RFFL: variants seen among roughly 807,000 people sequenced by gnomAD.
The protein encoded by RFFL is E3 ubiquitin-protein ligase rififylin.
A neutral mutation model predicts 40.4 loss-of-function variants in RFFL; 16 were observed. The ratio of observed to expected loss-of-function variants is 0.40; its 90% CI spans 0.27 to 0.60. The LOEUF (loss-of-function observed/expected upper bound fraction) is 0.60. RFFL is among the 20% of genes least tolerant of loss of function. The probability of loss-of-function intolerance (pLI) is 0.47; values close to 1 mark genes in which losing one functional copy is unlikely to be tolerated. For synonymous variants in RFFL, 154 were observed against 167.9 expected (o/e 0.92, Z 0.64); for missense variants, 367 against 451.7 (o/e 0.81, Z 1.70).
intron 6 of RFFL, among the ~76,000 whole-genome samples, chr17:35,012,420 A>G (rs1459721719): frequency 6.6e-6 from 1 of 152,232 alleles, no homozygotes; most frequent in African/African-American, 2.4e-5. Context: ...ATCCCAGAAC[A>G]TGAGAACTAA....
At chr17:35,030,468 G>A (rs2091075791) in intron 1 of RFFL, among the ~76,000 whole-genome samples, 1 of 151,900 alleles carries the variant, frequency 6.6e-6, no homozygotes, top group African/African-American at 2.4e-5. Flanking sequence ...TTTTGTGTGT[G>A]TTTTTTGTAT....
At chr17:35,060,574 T>G (rs1008571625) in intron 1 of RFFL, among the ~76,000 whole-genome samples, 5 of 152,158 alleles carry the variant, frequency 3.3e-5, no homozygotes, top group African/African-American at 4.8e-5. Context: ...AGGGAAATAA[T>G]TTTGTAAAAC....
intron 1 of RFFL, among the ~76,000 whole-genome samples, chr17:35,054,764 C>G (rs2091250541): frequency 1.3e-5 from 2 of 152,214 alleles, no homozygotes; most frequent in South Asian, 4.1e-4. Context: ...AACTCATAGT[C>G]TTCTTTCTGT....
chr17:35,065,490 A>G (rs1483460308), upstream of RFFL, among the ~76,000 whole-genome samples: 3 of 148,622 alleles, frequency 2.0e-5, no homozygotes, highest in African/African-American at 5.0e-5. Context: ...CGGGAGGCAG[A>G]GGTTGCAGTC....
chr17:35,087,987 T>C (rs2091439331), intron 1 of RFFL, among the ~76,000 whole-genome samples: 1 of 152,146 alleles, frequency 6.6e-6, no homozygotes, highest in Non-Finnish European at 1.5e-5. Context: ...CCTACTCCCA[T>C]TCCTAGAAGA....
At position 35,012,043 on chromosome 17, in the gene RFFL, C is replaced by G. The variant is rs776220139; in HGVS notation, c.1017G>C (p.Lys339Asn). Residue 339 changes from lysine (K) to asparagine (N), a missense_variant, in exon 7 of 7, where the codon AAG becomes AAC. Coordinates refer to ENST00000394597, the MANE Select transcript of RFFL (RefSeq NM_001017368.2). ...GACATTCATTCATGCGCTTGCCACA[C>G]TTGGTACAGGTTACCATGTGGCCAC... is the stretch of plus-strand genomic sequence containing the variant. Reference protein sequence around the residue: ...LECGHMVTCTKCGKRMNECPI... With the variant: ...LECGHMVTCTNCGKRMNECPI... 2.1e-5 allele frequency: 34 copies of G among 1,614,050 alleles called. No homozygotes were observed. Among genetic ancestry groups the G allele is most frequent in the Non-Finnish European group, 2.4e-5 (28 of 1,180,024 alleles).
Position 35,016,643 on chromosome 17 carries a change from G to A in RFFL, c.676-63C>T, listed in dbSNP as rs1161075454. On this transcript the variant is annotated intron_variant, in intron 4 of 6. Coordinates refer to ENST00000394597, the MANE Select transcript of RFFL (RefSeq NM_001017368.2). ...TACCTCCCCAAGCTCTTTCTCCAAGGACCCCAAAGCAGTCACCACATCATA... is the reference window on the plus strand; with the variant it reads ...TACCTCCCCAAGCTCTTTCTCCAAGAACCCCAAAGCAGTCACCACATCATA... 3 of 1,371,422 alleles carry A rather than the reference G, an allele frequency of 2.2e-6. No homozygotes were observed. The Admixed American group carries it at 5.3e-5, about 24-fold the overall frequency. 85.0% of individuals were successfully genotyped at this position (1,371,422 alleles called of 1,614,324 possible). A position where few individuals can be genotyped will look rare whatever the true frequency, so the allele number is the denominator to read the frequency against.
chr17:35,017,066 T>G (rs2090978432), intron 4 of RFFL, among the ~76,000 whole-genome samples: 1 of 151,980 alleles, frequency 6.6e-6, no homozygotes, highest in African/African-American at 2.4e-5. Context: ...GACTTCTGCT[T>G]GCCCACAAGA....
At chr17:35,083,995 T>C (rs549942351) in intron 1 of RFFL, among the ~76,000 whole-genome samples, 2 of 152,132 alleles carry the variant, frequency 1.3e-5, no homozygotes, top group Admixed American at 6.5e-5. Context: ...TCCCAGCACT[T>C]TGGGAGGTCG....
intron 1 of RFFL, among the ~76,000 whole-genome samples, chr17:35,049,234 C>T (rs2091218023): frequency 6.6e-6 from 1 of 152,058 alleles, no homozygotes; most frequent in African/African-American, 2.4e-5. Flanking sequence ...GCTACTTTAC[C>T]CTTTTGCTCC....
intron 1 of RFFL, among the ~76,000 whole-genome samples, chr17:35,032,019 C>A (rs1567705362): frequency 6.6e-6 from 1 of 150,468 alleles, no homozygotes; most frequent in African/African-American, 2.5e-5. Flanking sequence ...GGCGTGAACC[C>A]AGGAGGCGGA....
intron 1 of RFFL, among the ~76,000 whole-genome samples, chr17:35,087,363 A>C (rs79170907): frequency 1.3e-5 from 2 of 151,998 alleles, no homozygotes; most frequent in Non-Finnish European, 2.9e-5. Flanking sequence ...AAAAAAAAAA[A>C]GGTGTTCCTA....
At chr17:35,021,092 T>A (rs912709980) in intron 3 of RFFL, among the ~76,000 whole-genome samples, 8 of 152,206 alleles carry the variant, frequency 5.3e-5, no homozygotes, top group Non-Finnish European at 1.0e-4. Context: ...CTCAAAATAT[T>A]TCTGGAATGA....
chr17:35,010,562 G>A lies in RFFL; in HGVS notation c.*1406C>T, dbSNP rs2090931018. ...AGGTCAAGAGTTCAAGACCAGCCTGGTGAACATGGTAAAACCCCGTCTCTA... is the reference window on the plus strand; with the variant it reads ...AGGTCAAGAGTTCAAGACCAGCCTGATGAACATGGTAAAACCCCGTCTCTA... On this transcript the variant is annotated 3_prime_UTR_variant, in exon 7 of 7. Transcript: ENST00000394597. The A allele has an allele frequency of 1.3e-5, 2 of 152,106 alleles. No individual in the cohort carries two copies. The highest frequency in any genetic ancestry group is 6.6e-5 in the Admixed American group (1 of 15,256). The allele number at this position is 152,106 out of a possible 1,614,324, so 9.4% of individuals were successfully genotyped here. A position where few individuals can be genotyped will look rare whatever the true frequency, so the allele number is the denominator to read the frequency against.
chr17:35,066,871 C>A (rs530331317), upstream of RFFL, among the ~76,000 whole-genome samples: 1 of 143,080 alleles, frequency 7.0e-6, no homozygotes, highest in South Asian at 2.2e-4. Flanking sequence ...ACCTCACAGC[C>A]TTTTTTTTTT....
intron 5 of RFFL, among the ~76,000 whole-genome samples, chr17:35,015,913 C>T (rs1447304765): frequency 6.6e-6 from 1 of 152,128 alleles, no homozygotes; most frequent in Non-Finnish European, 1.5e-5. Flanking sequence ...GGGAAATGAA[C>T]AAAAGGAAGA....
chr17:35,027,905 C>T (rs946410964), intron 1 of RFFL, among the ~76,000 whole-genome samples: 2 of 151,718 alleles, frequency 1.3e-5, no homozygotes, highest in African/African-American at 2.4e-5. Flanking sequence ...GGGTGGCAGG[C>T]GCCTGTAACC....
rs187133367 is a variant in RFFL at position 35,082,483 on chromosome 17, C to T, written c.-9+6622G>A. On this transcript the variant is annotated intron_variant, in intron 1 of 6. Transcript: ENST00000315249. Reference sequence around the variant, plus strand: ...ACTCTGGGTACATGCCAACACTCCACTCATTCTAAAAAATTGTTTAAAGTG... The same window carrying T: ...ACTCTGGGTACATGCCAACACTCCATTCATTCTAAAAAATTGTTTAAAGTG... Among the ~76,000 whole-genome samples, 23 of 152,334 alleles carry T rather than the reference C, an allele frequency of 1.5e-4. No individual in the cohort carries two copies. In the East Asian group the frequency reaches 4.2e-3, roughly 28 times the overall value.
At chr17:35,042,685 C>T (rs976963746) in intron 1 of RFFL, among the ~76,000 whole-genome samples, 1 of 151,550 alleles carries the variant, frequency 6.6e-6, no homozygotes, top group African/African-American at 2.4e-5. Flanking sequence ...ATTAGCTGGG[C>T]GTAGTGGCAT....
Sources: allele counts gnomAD v4.1 joint callset (sites outside exome capture counted in the v4.1 genomes callset), GRCh38; gene constraint gnomAD v4.1.1; transcripts MANE v1.5; gene names NCBI Gene and HGNC (gene_info 2026-07-23, HGNC 2026-07-21).